GFM1: variants seen among roughly 807,000 people sequenced by gnomAD.
GFM1 encodes G elongation factor mitochondrial 1.
Under a neutral mutation model 96.2 loss-of-function variants are expected in GFM1, and 62 were observed. The ratio of observed to expected loss-of-function variants is 0.64; its 90% CI spans 0.53 to 0.80. The LOEUF (loss-of-function observed/expected upper bound fraction) is 0.80. Ranked by LOEUF, GFM1 falls within the 30% of genes least tolerant of loss-of-function variation. GFM1 has a pLI of 0.00. For missense variants in GFM1, 852 were observed against 916.6 expected (o/e 0.93, Z 0.91); for synonymous variants, 282 against 312.9 (o/e 0.90, Z 1.04).
intron 2 of GFM1, 25 bp downstream of exon 2, chr3:158,645,806 A>T: frequency 6.3e-7 from 1 of 1,580,920 alleles, no homozygotes; most frequent in Non-Finnish European, 8.7e-7. Context: ...TTGATTCCGG[A>T]TTAATTAGAA....
intron 1 of GFM1, 36 bp downstream of exon 1, chr3:158,644,751 C>G: frequency 6.6e-7 from 1 of 1,522,494 alleles, no homozygotes; most frequent in African/African-American, 1.4e-5. Context: ...CGGGACCATT[C>G]CCGGAACCTT....
rs768570649 is a variant in GFM1, at chr3:158,654,575, A to T, written c.1027A>T (p.Met343Leu). 6.2e-7 allele frequency: 1 copy of T among 1,612,442 alleles called. No homozygotes were observed. Among genetic ancestry groups the T allele is most frequent in the Non-Finnish European group, 8.5e-7 (1 of 1,178,638 alleles). Residue 343 changes from methionine to leucine, a missense_variant, in exon 8 of 18, where the codon ATG becomes TTG. By Grantham distance (15) the Met-to-Leu change is conservative. Transcript: ENST00000486715. Reference protein sequence around the residue: ...DDSKEKTKILMNSSRDNSHPF... With the variant: ...DDSKEKTKILLNSSRDNSHPF... The stretch of plus-strand genomic sequence containing the variant: ...CTCAAAAGAGAAAACCAAAATCCTA[A>T]TGAACTCCAGTAGAGACAATTCCCA...
rs1378966667 is a variant in GFM1, at chr3:158,644,722, G to A, written c.81+7G>A. 1 of 1,570,344 alleles carries A rather than the reference G, an allele frequency of 6.4e-7. No individual in the cohort carries two copies. The highest frequency in any genetic ancestry group is 8.6e-7 in the Non-Finnish European group (1 of 1,157,722). ...AGGCTGGCAGAGGAAGCAGGTACCGGAGCATAGAGAGGCTAAATCGGGACC... is the reference window on the plus strand; with the variant it reads ...AGGCTGGCAGAGGAAGCAGGTACCGAAGCATAGAGAGGCTAAATCGGGACC... On this transcript the variant is annotated splice_region_variant and intron_variant, in intron 1 of 17. Transcript: ENST00000486715.
At chr3:158,646,657 G>T in intron 3 of GFM1, 86 bp from the exon 4 acceptor site, 1 of 1,099,078 alleles carries the variant, frequency 9.1e-7, no homozygotes, top group East Asian at 2.6e-5. Context: ...CTTATGTGAT[G>T]AGCAGAGATA....
chr3:158,664,818 G>A (rs767160455), intron 11 of GFM1, among the ~76,000 whole-genome samples: 4 of 152,108 alleles, frequency 2.6e-5, no homozygotes, highest in Non-Finnish European at 4.4e-5. Flanking sequence ...CTTACCACGC[G>A]GGATTACATG....
rs780474508 is a variant in GFM1 at position 158,645,777 on chromosome 3, A to T, written c.230A>T (p.His77Leu). ...LYYTGRIAKM[H>L]EVKGKDGVGA... ...TACACTGGCAGAATTGCAAAGATGC[A>T]TGAGGTATATATTCACGGTTGATTC... is the stretch of plus-strand genomic sequence containing the variant. The change falls in exon 2 of 18, where the codon CAT becomes CTT. Residue 77 changes from histidine to leucine, a missense_variant. Physicochemically the swap from His to Leu is moderately conservative, Grantham distance 99. Coordinates refer to ENST00000486715, the MANE Select transcript of GFM1 (RefSeq NM_024996.7). 9 of 1,610,486 alleles carry T rather than the reference A, an allele frequency of 5.6e-6. No individual in the cohort carries two copies. The highest frequency in any genetic ancestry group is 5.9e-6 in the Non-Finnish European group (7 of 1,176,672).
chr3:158,681,668 G>A (rs1725391940), intron 13 of GFM1, among the ~76,000 whole-genome samples: 1 of 152,128 alleles, frequency 6.6e-6, no homozygotes, highest in Admixed American at 6.6e-5. Flanking sequence ...CTGTGTTCCA[G>A]GGAAATGGGC....
Position 158,692,262 on chromosome 3 carries a change from G to C in GFM1, c.*795G>C, listed in dbSNP as rs1035411846. ...ATTGTGAAGTAAAAAGTAGACCCTT[G>C]CATATACTATTCTTGTTTGTGTTCA... On this transcript the variant is annotated 3_prime_UTR_variant, in exon 18 of 18. Coordinates refer to ENST00000486715, the MANE Select transcript of GFM1 (RefSeq NM_024996.7). 6.6e-6 allele frequency: 1 copy of C among 152,144 alleles called. No individual in the cohort carries two copies. The allele number at this position is 152,144 out of a possible 1,614,324, so 9.4% of individuals were successfully genotyped here. A position where few individuals can be genotyped will look rare whatever the true frequency, so the allele number is the denominator to read the frequency against.
intron 15 of GFM1, 139 bp from the exon 16 acceptor site, chr3:158,690,024 A>G: frequency 1.4e-6 from 1 of 701,288 alleles, no homozygotes; most frequent in Non-Finnish European, 2.5e-6. Flanking sequence ...AGGAAAAATG[A>G]GTCTAGGTCG....
chr3:158,684,450 T>C, intron 14 of GFM1, 74 bp from the exon 15 acceptor site: 1 of 1,466,244 alleles, frequency 6.8e-7, no homozygotes, highest in Non-Finnish European at 9.6e-7. Flanking sequence ...TGAACACAAA[T>C]ATTTTGGGGT....
At chr3:158,666,908 T>C in intron 13 of GFM1, 1 of 1,508,980 alleles carries the variant, frequency 6.6e-7, no homozygotes, top group African/African-American at 1.4e-5. Context: ...TATCTGGATT[T>C]ACATGAATTC....
At chr3:158,680,185 G>A (rs1271588753) in intron 13 of GFM1, among the ~76,000 whole-genome samples, 3 of 152,122 alleles carry the variant, frequency 2.0e-5, no homozygotes, top group Non-Finnish European at 4.4e-5. Context: ...GTGGGTACAG[G>A]TGTAGTTTTG....
chr3:158,690,477 A>G, intron 16 of GFM1, 154 bp downstream of exon 16: 1 of 684,098 alleles, frequency 1.5e-6, no homozygotes, highest in Non-Finnish European at 2.6e-6. Context: ...AGCAACTCTT[A>G]AGTGCAGAAG....
chr3:158,647,556 AC>A (rs1275208771), intron 4 of GFM1, among the ~76,000 whole-genome samples: 3 of 152,182 alleles, frequency 2.0e-5, no homozygotes, highest in Non-Finnish European at 2.9e-5. Context: ...GCTCATACTT[AC>A]GTTTCACATG....
intron 5 of GFM1, chr3:158,650,481 A>C (rs1722199191): frequency 5.7e-6 from 1 of 176,748 alleles, no homozygotes; most frequent in African/African-American, 2.3e-5. Flanking sequence ...CTTAATGTAC[A>C]TGTCCCCTTC....
At position 158,659,038 on chromosome 3, in the gene GFM1, C is replaced by T. The variant is rs923816186; in HGVS notation, c.1200C>T (p.Arg400=). 1.9e-6 allele frequency: 3 copies of T among 1,614,064 alleles called. No homozygotes were observed. In the African/African-American group the frequency reaches 4.0e-5, roughly 22 times the overall value. ...RKKVRLQRLA[R]MHADMMEDVE... Reference sequence around the variant, plus strand: ...AAGTACGGTTGCAACGGCTGGCTCGCATGCATGCCGACATGATGGAGGCAA... The same window carrying T: ...AAGTACGGTTGCAACGGCTGGCTCGTATGCATGCCGACATGATGGAGGCAA... The change falls in exon 9 of 18, where the codon CGC becomes CGT. Residue 400 remains arginine, a synonymous_variant. Transcript: ENST00000486715.
intron 13 of GFM1, among the ~76,000 whole-genome samples, chr3:158,673,695 T>C (rs931335247): frequency 6.6e-6 from 1 of 151,776 alleles, no homozygotes; most frequent in Non-Finnish European, 1.5e-5. Flanking sequence ...GTATTTTTAG[T>C]AGAGACGGGT....
intron 13 of GFM1, among the ~76,000 whole-genome samples, chr3:158,675,479 G>C (rs902508447): frequency 9.2e-5 from 14 of 151,690 alleles, no homozygotes; most frequent in Non-Finnish European, 1.5e-5. Flanking sequence ...ATGTCTTCCA[G>C]GTTTTATTAC....
intron 4 of GFM1, among the ~76,000 whole-genome samples, chr3:158,648,526 A>C (rs574774897): frequency 6.6e-6 from 1 of 152,124 alleles, no homozygotes; most frequent in African/African-American, 2.4e-5. Context: ...AAAATACAAA[A>C]AATTAGCCAG....
Sources: allele counts gnomAD v4.1 joint callset (sites outside exome capture counted in the v4.1 genomes callset), GRCh38; gene constraint gnomAD v4.1.1; transcripts MANE v1.5; gene names NCBI Gene and HGNC (gene_info 2026-07-23, HGNC 2026-07-21).